Variants in PARD3 observed in about 807,000 individuals in gnomAD.
PARD3 encodes the protein partitioning defective 3 homolog.
PARD3 carries 75 observed loss-of-function variants against 155.4 expected under a neutral mutation model. That is an observed-to-expected ratio of 0.48 (90% CI 0.40 to 0.58). PARD3 has a LOEUF of 0.58. Ranked by LOEUF, PARD3 falls within the 20% of genes least tolerant of loss-of-function variation. PARD3 has a pLI of 0.00. For synonymous variants in PARD3, 576 were observed against 610.5 expected, an observed-to-expected ratio of 0.94 and a Z score of 0.83; for missense variants, 1,642 against 1,721.7, an observed-to-expected ratio of 0.95 and a Z score of 0.82.
intron 2 of PARD3, among the ~76,000 whole-genome samples, chr10:34,572,842 T>G (rs939997725): frequency 3.9e-5 from 6 of 152,040 alleles, no homozygotes; most frequent in African/African-American, 1.4e-4. Flanking sequence ...AACAACTAGC[T>G]GTGGTATTAA....
chr10:34,690,942 G>A (rs2094047141), intron 2 of PARD3, among the ~76,000 whole-genome samples: 1 of 152,204 alleles, frequency 6.6e-6, no homozygotes, highest in Non-Finnish European at 1.5e-5. Context: ...GCCGAGCGCA[G>A]TGGCTCATGC....
chr10:34,638,869 T>C (rs1009134768), intron 2 of PARD3, among the ~76,000 whole-genome samples: 2 of 152,236 alleles, frequency 1.3e-5, no homozygotes, highest in Non-Finnish European at 2.9e-5. Flanking sequence ...TTTGTCTTTG[T>C]TACTATATAC....
intron 20 of PARD3, among the ~76,000 whole-genome samples, chr10:34,290,177 T>C (rs1406661563): frequency 6.6e-6 from 1 of 152,162 alleles, no homozygotes; most frequent in Non-Finnish European, 1.5e-5. Context: ...CTGCGATAAA[T>C]AAAAATACAA....
intron 15 of PARD3, chr10:34,346,205 C>T (rs1837405522): frequency 4.4e-6 from 5 of 1,126,432 alleles, no homozygotes; most frequent in South Asian, 2.2e-5. Flanking sequence ...TAATGCAAAC[C>T]GAAGAGGACT....
At chr10:34,457,151 A>G (rs891635681) in intron 4 of PARD3, among the ~76,000 whole-genome samples, 1 of 152,170 alleles carries the variant, frequency 6.6e-6, no homozygotes, top group African/African-American at 2.4e-5. Context: ...TAATCACAGG[A>G]GTATGGATCT....
intron 21 of PARD3, among the ~76,000 whole-genome samples, chr10:34,277,952 C>G (rs1449492907): frequency 2.0e-5 from 3 of 152,134 alleles, no homozygotes. Context: ...CCCAAACTAT[C>G]ATCTCTATGA....
chr10:34,257,492 T>C (rs1954717444), intron 22 of PARD3, among the ~76,000 whole-genome samples: 1 of 152,214 alleles, frequency 6.6e-6, no homozygotes, highest in Non-Finnish European at 1.5e-5. Flanking sequence ...AGGCTAAAAT[T>C]GAAAGAAATC....
intron 1 of PARD3, among the ~76,000 whole-genome samples, chr10:34,758,741 C>G (rs1837057112): frequency 6.6e-6 from 1 of 152,174 alleles, no homozygotes; most frequent in South Asian, 2.1e-4. Context: ...CTGAGAACAG[C>G]TCCTACCTAA....
intron 22 of PARD3, among the ~76,000 whole-genome samples, chr10:34,233,713 T>A (rs1426262453): frequency 6.6e-6 from 1 of 152,128 alleles, no homozygotes; most frequent in Non-Finnish European, 1.5e-5. Flanking sequence ...CTATAGGCTC[T>A]AGGTTTAAAA....
chr10:34,774,613 T>C (rs1839309967), intron 1 of PARD3, among the ~76,000 whole-genome samples: 1 of 152,214 alleles, frequency 6.6e-6, no homozygotes, highest in Admixed American at 6.5e-5. Flanking sequence ...AACTGTAAAC[T>C]GATGATAAAG....
intron 2 of PARD3, among the ~76,000 whole-genome samples, chr10:34,607,476 A>G (rs555708421): frequency 7.9e-5 from 12 of 152,358 alleles, no homozygotes; most frequent in African/African-American, 2.4e-4. Flanking sequence ...GGGAGGGAAA[A>G]GAGTGCAAAT....
chr10:34,636,042 A>C (rs1228525284), intron 2 of PARD3, among the ~76,000 whole-genome samples: 2 of 152,122 alleles, frequency 1.3e-5, no homozygotes, highest in South Asian at 2.1e-4. Flanking sequence ...AGAAGAAGAA[A>C]GAAAGAAAGA....
At chr10:34,744,789 T>C (rs1348930083) in intron 1 of PARD3, among the ~76,000 whole-genome samples, 5 of 152,044 alleles carry the variant, frequency 3.3e-5, no homozygotes, top group Admixed American at 1.3e-4. Flanking sequence ...ATAAGCAAAA[T>C]GCCAAAATTT....
rs536106562 is a variant in PARD3 at position 34,258,815 on chromosome 10, G to A, written c.3419+10842C>T. 3.9e-5 allele frequency among the ~76,000 whole-genome samples: 6 copies of A among 152,202 alleles called. No homozygotes were observed. In the South Asian group the frequency reaches 6.2e-4, roughly 16 times the overall value. ...CTCACATCTACAATCTCAGTGCTTC[G>A]GGAGGCCAAGGTGGGAGGATCGCTT... is the stretch of plus-strand genomic sequence containing the variant. On this transcript the variant is annotated intron_variant, in intron 22 of 24. Coordinates refer to ENST00000374788, the MANE Select transcript of PARD3 (RefSeq NM_001184785.2).
At chr10:34,273,418 T>C (rs1955725481) in intron 21 of PARD3, among the ~76,000 whole-genome samples, 1 of 152,188 alleles carries the variant, frequency 6.6e-6, no homozygotes, top group Admixed American at 6.5e-5. Flanking sequence ...TGATTTCACT[T>C]ATATAGCATT....
At chr10:34,112,861 G>A (rs746421443) in intron 24 of PARD3, among the ~76,000 whole-genome samples, 11 of 152,162 alleles carry the variant, frequency 7.2e-5, no homozygotes, top group Non-Finnish European at 8.8e-5. Flanking sequence ...TGGCTATGAC[G>A]ATGACTGGAT....
chr10:34,269,919 T>A lies in PARD3; in HGVS notation c.3177-20A>T, dbSNP rs377027597. 4 of 1,609,524 alleles carry A rather than the reference T, an allele frequency of 2.5e-6. No homozygotes were observed. The highest frequency in any genetic ancestry group is 4.5e-5 in the East Asian group (2 of 44,750). On this transcript the variant is annotated intron_variant, in intron 21 of 24. Transcript: ENST00000374788. ...TGAATCCTATGAAATCAGAACAAAGTTGAAATAAGAGAAACCTTTCCTTTT... is the reference window on the plus strand; with the variant it reads ...TGAATCCTATGAAATCAGAACAAAGATGAAATAAGAGAAACCTTTCCTTTT...
At chr10:34,337,616 C>T (rs551942846) in intron 16 of PARD3, among the ~76,000 whole-genome samples, 190 bp from the exon 17 acceptor site, 65 of 151,756 alleles carry the variant, frequency 4.3e-4, no homozygotes, top group Non-Finnish European at 7.7e-4. Context: ...TAGAAAAATA[C>T]AAAATTAATT....
intron 22 of PARD3, among the ~76,000 whole-genome samples, chr10:34,227,881 T>TATATATATATATATATACAC (rs1199483392): frequency 7.5e-5 from 10 of 133,734 alleles, no homozygotes; most frequent in African/African-American, 2.9e-4. Flanking sequence ...TATATATATA[T>TATATATATATATATATACAC]ATACTGGGAA....
Sources: allele counts gnomAD v4.1 joint callset (sites outside exome capture counted in the v4.1 genomes callset), GRCh38; gene constraint gnomAD v4.1.1; transcripts MANE v1.5; gene names NCBI Gene and HGNC (gene_info 2026-07-23, HGNC 2026-07-21).